Variants in CPNE4 observed in about 807,000 individuals in gnomAD.
The protein encoded by CPNE4 is copine-4.
In CPNE4, 25 loss-of-function variants were observed where a neutral mutation model predicts 67.9. That is an observed-to-expected ratio of 0.37 (90% CI 0.27 to 0.51). The LOEUF is 0.51. Ranked by LOEUF, CPNE4 falls within the 20% of genes least tolerant of loss-of-function variation. CPNE4 has a pLI of 0.93. For missense variants in CPNE4, 464 were observed against 690.8 expected (o/e 0.67, Z 3.68); for synonymous variants, 242 against 244.9 (o/e 0.99, Z 0.11).
chr3:131,865,738 G>C (rs188242437), intron 2 of CPNE4, among the ~76,000 whole-genome samples: 2 of 152,210 alleles, frequency 1.3e-5, no homozygotes, highest in African/African-American at 2.4e-5. Context: ...AATTTAGCAC[G>C]TGTACAAGTT....
At chr3:131,723,702 G>T in intron 2 of CPNE4, 77 bp from the exon 3 acceptor site, 1 of 1,312,766 alleles carries the variant, frequency 7.6e-7, no homozygotes, top group East Asian at 2.3e-5. Context: ...TCATCTCAGA[G>T]CACTTCCCTT....
At chr3:131,775,084 C>T (rs1398600265) in intron 2 of CPNE4, among the ~76,000 whole-genome samples, 1 of 151,974 alleles carries the variant, frequency 6.6e-6, no homozygotes, top group African/African-American at 2.4e-5. Flanking sequence ...TTCCCCAAGG[C>T]TAGTAAATTA....
chr3:131,849,653 C>G (rs1462594897), intron 2 of CPNE4, among the ~76,000 whole-genome samples: 1 of 152,072 alleles, frequency 6.6e-6, no homozygotes, highest in African/African-American at 2.4e-5. Flanking sequence ...CAATTCTGAG[C>G]CCAAGCCTTA....
intron 1 of CPNE4, among the ~76,000 whole-genome samples, chr3:131,952,558 C>T (rs1372706538): frequency 1.6e-5 from 2 of 123,872 alleles, no homozygotes; most frequent in Admixed American, 7.7e-5. Flanking sequence ...CCACCCCATC[C>T]GGGAGGGAGG....
chr3:131,892,761 C>T (rs999318864), intron 2 of CPNE4, among the ~76,000 whole-genome samples: 24 of 151,910 alleles, frequency 1.6e-4, no homozygotes, highest in Admixed American at 4.6e-4. Flanking sequence ...AGCTTAAAAT[C>T]GTCTATTTTA....
intron 2 of CPNE4, among the ~76,000 whole-genome samples, chr3:131,806,368 G>A (rs1163428545): frequency 6.6e-6 from 1 of 152,046 alleles, no homozygotes; most frequent in East Asian, 1.9e-4. Flanking sequence ...GGCTAACATG[G>A]TGAAACCCTG....
chr3:131,701,026 T>C (rs1007940721), intron 3 of CPNE4, among the ~76,000 whole-genome samples: 5 of 143,698 alleles, frequency 3.5e-5, no homozygotes, highest in African/African-American at 7.8e-5. Flanking sequence ...TTCTCACTCA[T>C]AGGTGGGAAT....
At chr3:131,982,347 A>G (rs989853813) in intron 1 of CPNE4, among the ~76,000 whole-genome samples, 1 of 152,218 alleles carries the variant, frequency 6.6e-6, no homozygotes, top group African/African-American at 2.4e-5. Flanking sequence ...GTTAATGAAG[A>G]TATCAGAATT....
intron 2 of CPNE4, among the ~76,000 whole-genome samples, chr3:131,902,988 T>C (rs1159599873): frequency 6.6e-6 from 1 of 152,170 alleles, no homozygotes; most frequent in Non-Finnish European, 1.5e-5. Flanking sequence ...GCATTCATTT[T>C]CTGTGTATGT....
intron 2 of CPNE4, among the ~76,000 whole-genome samples, chr3:131,847,864 C>T (rs1287774684): frequency 6.6e-6 from 1 of 152,132 alleles, no homozygotes; most frequent in Non-Finnish European, 1.5e-5. Flanking sequence ...CCCTTCTGAA[C>T]TCGAGGGTGA....
intron 1 of CPNE4, among the ~76,000 whole-genome samples, chr3:131,980,468 T>C (rs368185643): frequency 5.9e-5 from 9 of 152,282 alleles, no homozygotes; most frequent in African/African-American, 2.2e-4. Flanking sequence ...ATTTTTTTCT[T>C]CTACTTGTTC....
chr3:131,852,955 T>A (rs1437407996), intron 2 of CPNE4, among the ~76,000 whole-genome samples: 1 of 151,726 alleles, frequency 6.6e-6, no homozygotes, highest in East Asian at 1.9e-4. Flanking sequence ...TTAAGAGAAA[T>A]TTTTTAAATA....
At chr3:131,856,149 C>T (rs1202973992) in intron 2 of CPNE4, among the ~76,000 whole-genome samples, 1 of 151,936 alleles carries the variant, frequency 6.6e-6, no homozygotes, top group East Asian at 1.9e-4. Context: ...CAATATCAAA[C>T]TTCTGTCTAT....
intron 5 of CPNE4, among the ~76,000 whole-genome samples, chr3:131,687,645 C>T (rs560542804): frequency 6.6e-6 from 1 of 152,326 alleles, no homozygotes; most frequent in Non-Finnish European, 1.5e-5. Context: ...TTTTGCCTTA[C>T]TATCAATGTC....
intron 7 of CPNE4, among the ~76,000 whole-genome samples, chr3:131,610,499 C>G (rs1939774269): frequency 6.6e-6 from 1 of 152,248 alleles, no homozygotes; most frequent in South Asian, 2.1e-4. Context: ...GTGTGCAGTA[C>G]TGGAAGTGCT....
chr3:131,639,670 G>T (rs141624250), intron 7 of CPNE4, among the ~76,000 whole-genome samples: 1 of 151,898 alleles, frequency 6.6e-6, no homozygotes, highest in Non-Finnish European at 1.5e-5. Context: ...CGCCAGCATC[G>T]CCCTAATACC....
At chr3:131,795,822 T>C (rs2083903791) in intron 2 of CPNE4, among the ~76,000 whole-genome samples, 1 of 152,306 alleles carries the variant, frequency 6.6e-6, no homozygotes. Flanking sequence ...ACTCCTCTTA[T>C]AGCTCACTAA....
At chr3:131,761,699 T>G (rs986609623) in intron 2 of CPNE4, among the ~76,000 whole-genome samples, 1 of 152,140 alleles carries the variant, frequency 6.6e-6, no homozygotes, top group Non-Finnish European at 1.5e-5. Flanking sequence ...TATTGCTGTT[T>G]CTCAGTTCAT....
At chr3:131,594,852 A>T (rs1172074449) in intron 7 of CPNE4, among the ~76,000 whole-genome samples, 2 of 152,218 alleles carry the variant, frequency 1.3e-5, no homozygotes, top group Non-Finnish European at 2.9e-5. Context: ...ACTTAACTTA[A>T]TAGCAAAACA....
Sources: gnomAD v4.1 joint callset for allele counts (sites outside exome capture counted in the v4.1 genomes callset) on GRCh38, gnomAD v4.1.1 for gene constraint, MANE v1.5 for transcripts, NCBI Gene and HGNC (gene_info 2026-07-23, HGNC 2026-07-21) for gene names.